The following PTPRD variants were observed in gnomAD, a reference collection of about 807,000 sequenced individuals.
PTPRD encodes protein tyrosine phosphatase receptor type D, also known as receptor-type tyrosine-protein phosphatase delta.
PTPRD carries 34 observed loss-of-function variants against 214.5 expected under a neutral mutation model. That is an observed-to-expected ratio of 0.16 (90% CI 0.12 to 0.21). The LOEUF is 0.21. Among genes scored for constraint, PTPRD ranks in the 10% least tolerant of loss-of-function variants. The pLI is 1.00. For synonymous variants in PTPRD, 1,128 were observed against 845.7 expected, an observed-to-expected ratio of 1.33 and a Z score of -5.79; for missense variants, 2,545 against 2,398.7, an observed-to-expected ratio of 1.06 and a Z score of -1.27.
intron 7 of PTPRD, among the ~76,000 whole-genome samples, chr9:9,727,196 C>A (rs1275645445): frequency 6.6e-6 from 1 of 152,048 alleles, no homozygotes; most frequent in Non-Finnish European, 1.5e-5. Flanking sequence ...TGGCTCACAC[C>A]TATAATTCTG....
rs140695646 is a variant in PTPRD at position 8,633,414 on chromosome 9, T to C, written c.255A>G (p.Gln85=). 7.4e-6 allele frequency: 12 copies of C among 1,612,628 alleles called. No homozygotes were observed. The highest frequency in any genetic ancestry group is 2.7e-5 in the African/African-American group (2 of 74,786). The change falls in exon 14 of 46, where the codon CAA becomes CAG. Residue 85 remains glutamine, a synonymous_variant. Transcript: ENST00000381196. ...CCTCATCCCTCGGAGTCCGTAAGGG[T>C]TGTATTCTGAGAACTGATCCAGACC... is the stretch of plus-strand genomic sequence containing the variant. ...DDGSGSVLRI[Q]PLRTPRDEAI...
intron 11 of PTPRD, among the ~76,000 whole-genome samples, chr9:8,782,660 C>G (rs148103274): frequency 6.8e-6 from 1 of 147,268 alleles, no homozygotes; most frequent in Non-Finnish European, 1.5e-5. Context: ...TGCAGTGGCA[C>G]AATCTCGGCT....
chr9:8,335,020 T>C (rs565475561), intron 43 of PTPRD, among the ~76,000 whole-genome samples: 2 of 151,974 alleles, frequency 1.3e-5, no homozygotes, highest in Non-Finnish European at 1.5e-5. Flanking sequence ...CAGTAATTAA[T>C]AGCCTAGCAA....
In PTPRD at chr9:9,377,427, T is replaced by C. The variant is rs116958680; in HGVS notation, c.-203+20022A>G. ...AATATTTGTCAGCAAGTGAGGATCA[T>C]AGAAAAATAATAATATTAATTTGTT... On this transcript the variant is annotated intron_variant, in intron 9 of 45. Coordinates refer to ENST00000381196, the MANE Select transcript of PTPRD (RefSeq NM_002839.4). Among the ~76,000 whole-genome samples the C allele has an allele frequency of 4.5e-3, 679 of 151,942 alleles. 3 individuals carry two copies. Among genetic ancestry groups the C allele is most frequent in the Admixed American group, 7.1e-3 (109 of 15,264 alleles).
At chr9:10,560,899 G>A (rs1183749587) in intron 2 of PTPRD, among the ~76,000 whole-genome samples, 1 of 152,194 alleles carries the variant, frequency 6.6e-6, no homozygotes, top group African/African-American at 2.4e-5. Flanking sequence ...AAGTTCTGCT[G>A]AACAAGACTG....
At chr9:10,278,935 A>G (rs778850529) in intron 3 of PTPRD, among the ~76,000 whole-genome samples, 1 of 151,698 alleles carries the variant, frequency 6.6e-6, no homozygotes, top group Non-Finnish European at 1.5e-5. Context: ...CCACCACGCC[A>G]GGCTAATTTT....
chr9:9,164,909 C>A (rs576218109), intron 10 of PTPRD, among the ~76,000 whole-genome samples: 1 of 151,450 alleles, frequency 6.6e-6, no homozygotes, highest in African/African-American at 2.4e-5. Context: ...AGAAATTAGC[C>A]GGGTGTGGTG....
intron 10 of PTPRD, among the ~76,000 whole-genome samples, chr9:9,055,784 A>G (rs2099695104): frequency 6.7e-6 from 1 of 149,876 alleles, no homozygotes; most frequent in Admixed American, 6.7e-5. Context: ...CATACTATCT[A>G]TTAATATATT....
chr9:9,821,696 T>C (rs1037614421), intron 5 of PTPRD, among the ~76,000 whole-genome samples: 3 of 151,996 alleles, frequency 2.0e-5, no homozygotes, highest in African/African-American at 7.2e-5. Flanking sequence ...GCATTATCAA[T>C]AGCCCTCTGA....
Position 9,498,974 on chromosome 9 carries a change from T to C in PTPRD, c.-237+75758A>G, listed in dbSNP as rs141910516. Among the ~76,000 whole-genome samples, 1,242 of 152,196 alleles carry C rather than the reference T, an allele frequency of 8.2e-3. 5 individuals carry two copies. The highest frequency in any genetic ancestry group is 0.014 in the South Asian group (67 of 4,824). On this transcript the variant is annotated intron_variant, in intron 8 of 45. Coordinates refer to ENST00000381196, the MANE Select transcript of PTPRD (RefSeq NM_002839.4). Reference sequence around the variant, plus strand: ...CTCTCTCTCTCCCTCTCTCACTTGCTCTTGCTGTCTCACTCTTGCTCTCCC... The same window carrying C: ...CTCTCTCTCTCCCTCTCTCACTTGCCCTTGCTGTCTCACTCTTGCTCTCCC...
intron 5 of PTPRD, among the ~76,000 whole-genome samples, chr9:9,901,184 A>T (rs916273716): frequency 6.6e-6 from 1 of 152,144 alleles, no homozygotes; most frequent in African/African-American, 2.4e-5. Flanking sequence ...CATCCCAATT[A>T]TATGTCTCGG....
At chr9:8,641,942 A>G (rs1217752908) in intron 12 of PTPRD, among the ~76,000 whole-genome samples, 2 of 152,204 alleles carry the variant, frequency 1.3e-5, no homozygotes, top group East Asian at 3.8e-4. Context: ...TAGGTGAGAG[A>G]ACCAACCAAG....
chr9:9,659,681 A>G (rs901826805), intron 7 of PTPRD, among the ~76,000 whole-genome samples: 3 of 152,118 alleles, frequency 2.0e-5, no homozygotes, highest in Admixed American at 1.3e-4. Context: ...AAATAGTACA[A>G]TAAAAAGTCA....
chr9:9,421,310 C>T (rs962801511), intron 8 of PTPRD, among the ~76,000 whole-genome samples: 2 of 144,224 alleles, frequency 1.4e-5, no homozygotes, highest in Non-Finnish European at 3.0e-5. Flanking sequence ...ACCAGTGTTA[C>T]ATACAATATA....
chr9:8,755,356 C>A, intron 11 of PTPRD, among the ~76,000 whole-genome samples: 1 of 151,780 alleles, frequency 6.6e-6, no homozygotes. Flanking sequence ...ATGGTGAAAC[C>A]CTGTCTCTAC....
At chr9:9,506,226 T>C (rs1459447779) in intron 8 of PTPRD, among the ~76,000 whole-genome samples, 4 of 151,436 alleles carry the variant, frequency 2.6e-5, no homozygotes, top group Non-Finnish European at 4.4e-5. Flanking sequence ...ATGTTTATTA[T>C]ACATTGCTTT....
intron 3 of PTPRD, among the ~76,000 whole-genome samples, chr9:10,318,160 C>G (rs2096481540): frequency 6.6e-6 from 1 of 151,994 alleles, no homozygotes; most frequent in African/African-American, 2.4e-5. Flanking sequence ...CTTGCTCTTC[C>G]TGCATTCCTT....
chr9:8,351,149 C>T (rs10976979), intron 39 of PTPRD, among the ~76,000 whole-genome samples: 4 of 152,094 alleles, frequency 2.6e-5, no homozygotes, highest in Non-Finnish European at 5.9e-5. Flanking sequence ...TGAAGCGAAT[C>T]CATGTATTGA....
At chr9:9,539,376 T>A (rs904477031) in intron 8 of PTPRD, among the ~76,000 whole-genome samples, 11 of 151,812 alleles carry the variant, frequency 7.2e-5, no homozygotes, top group African/African-American at 2.7e-4. Flanking sequence ...CGTGATAATA[T>A]GGGAGGCTTC....
Sources: gnomAD v4.1 joint callset for allele counts (sites outside exome capture counted in the v4.1 genomes callset) on GRCh38, gnomAD v4.1.1 for gene constraint, MANE v1.5 for transcripts, NCBI Gene and HGNC (gene_info 2026-07-23, HGNC 2026-07-21) for gene names.